Variants in TPRX2 observed in about 807,000 individuals in gnomAD.
The protein encoded by TPRX2 is tetrapeptide repeat homeobox protein 2.
chr19:47,860,749 G>T, the TPRX2 span: 1 of 1,501,602 alleles, frequency 6.7e-7, no homozygotes, highest in South Asian at 1.3e-5. Context: ...CGGCTCACCC[G>T]GGCCGCGCGA....
the TPRX2 span, chr19:47,860,944 C>T: frequency 1.3e-6 from 2 of 1,483,844 alleles, no homozygotes; most frequent in Non-Finnish European, 1.8e-6. Context: ...CCTGGGGGTC[C>T]TGAGTTCCCG....
At chr19:47,861,141 ATCCCAGGCCCAG>A in the TPRX2 span, 13 of 695,534 alleles carry the variant, frequency 1.9e-5, no homozygotes, top group East Asian at 2.7e-5. Flanking sequence ...CCCAGCCCAG[ATCCCAGGCCCAG>A]TCCCAGGCCC....
the TPRX2 span, among the ~76,000 whole-genome samples, chr19:47,860,565 C>A: frequency 6.6e-6 from 1 of 151,840 alleles, no homozygotes; most frequent in Non-Finnish European, 1.5e-5. Context: ...TCCCTGGCCC[C>A]CCGGGCACCT....
Sources: gnomAD v4.1 joint callset for allele counts (sites outside exome capture counted in the v4.1 genomes callset) on GRCh38, gnomAD v4.1.1 for gene constraint, MANE v1.5 for transcripts, NCBI Gene and HGNC (gene_info 2026-07-23, HGNC 2026-07-21) for gene names.